Variants in MAP3K2 observed in about 807,000 individuals in gnomAD.
The protein encoded by MAP3K2 is mitogen-activated protein kinase kinase kinase 2.
In MAP3K2, 24 loss-of-function variants were observed where a neutral mutation model predicts 80.3. The observed-to-expected ratio is 0.30, with a 90% CI of 0.22 to 0.42. The LOEUF (loss-of-function observed/expected upper bound fraction) is 0.42, where lower values mean the gene tolerates loss of function less well. Among genes scored for constraint, MAP3K2 ranks in the 10% least tolerant of loss-of-function variants. The pLI, the probability that MAP3K2 is intolerant of heterozygous loss-of-function variation, is 1.00. For missense variants in MAP3K2, 608 were observed against 750.1 expected, an observed-to-expected ratio of 0.81 and a Z score of 2.21; for synonymous variants, 244 against 253.7, an observed-to-expected ratio of 0.96 and a Z score of 0.36.
Position 127,307,892 on chromosome 2 carries a change from C to T in MAP3K2, c.1635-88G>A, listed in dbSNP as rs1218163938. The T allele has an allele frequency of 3.8e-6, 3 of 784,050 alleles. No individual in the cohort carries two copies. Among genetic ancestry groups the T allele is most frequent in the Admixed American group, 3.1e-5 (1 of 32,380 alleles). 48.6% of individuals were successfully genotyped at this position (784,050 alleles called of 1,614,324 possible). On this transcript the variant is annotated intron_variant, in intron 16 of 16. Transcript: ENST00000682094. This position sits in a 1 kb window ranked among gnomAD's most constrained non-coding sequence, Gnocchi z 5.4. Reference sequence around the variant, plus strand: ...AGAAAATGAGAAACAGGCATTAAGTCCATATATATTTAAATATGACTTAAT... The same window carrying T: ...AGAAAATGAGAAACAGGCATTAAGTTCATATATATTTAAATATGACTTAAT...
chr2:127,379,899 G>C (rs564237724), intron 1 of MAP3K2, among the ~76,000 whole-genome samples: 2 of 152,286 alleles, frequency 1.3e-5, no homozygotes, highest in East Asian at 1.9e-4. Context: ...TACAGATATA[G>C]TAACAGTAAC....
chr2:127,354,737 G>C (rs1235618755), intron 1 of MAP3K2, among the ~76,000 whole-genome samples: 2 of 151,950 alleles, frequency 1.3e-5, no homozygotes, highest in Non-Finnish European at 2.9e-5. Context: ...TACCAAATAT[G>C]AAGAGAGGCA....
In MAP3K2 at chr2:127,335,816, G is replaced by T; in HGVS notation, c.264+54C>A. The T allele has an allele frequency of 7.3e-6, 7 of 952,446 alleles. No homozygotes were observed. In the South Asian group the frequency reaches 8.2e-5, roughly 11 times the overall value. The allele number at this position is 952,446 out of a possible 1,614,324, so 59.0% of individuals were successfully genotyped here. A position where few individuals can be genotyped will look rare whatever the true frequency, so the allele number is the denominator to read the frequency against. ...GAGTCTTAAAAGCAGTCTCTTAAAC[G>T]AACACATTACTTTTGAAGGTAAGAT... On this transcript the variant is annotated intron_variant, in intron 5 of 16. Coordinates refer to ENST00000682094, the MANE Select transcript of MAP3K2 (RefSeq NM_001371910.2).
At chr2:127,324,129 C>T in intron 10 of MAP3K2, 45 bp downstream of exon 10, 5 of 1,321,350 alleles carry the variant, frequency 3.8e-6, no homozygotes, top group Non-Finnish European at 5.2e-6. Flanking sequence ...AAAACATTAT[C>T]CAATGACATA....
chr2:127,324,318 A>C, intron 9 of MAP3K2, 77 bp from the exon 10 acceptor site: 1 of 823,362 alleles, frequency 1.2e-6, no homozygotes, highest in Non-Finnish European at 1.9e-6. Context: ...AGCAATATCT[A>C]TATCTATCTG....
At chr2:127,338,474 T>TC (rs1686416412) in intron 3 of MAP3K2, among the ~76,000 whole-genome samples, 1 of 152,134 alleles carries the variant, frequency 6.6e-6, no homozygotes, top group African/African-American at 2.4e-5. Flanking sequence ...CCTGATCCTC[T>TC]CCCTCCTCCT....
chr2:127,373,446 C>G (rs1030941434), intron 1 of MAP3K2, among the ~76,000 whole-genome samples: 1 of 152,166 alleles, frequency 6.6e-6, no homozygotes. Flanking sequence ...TCAGAAATTA[C>G]TAGGTGATAT....
At chr2:127,338,877 G>C (rs1016643519) in intron 3 of MAP3K2, 55 bp downstream of exon 3, 14 of 1,174,928 alleles carry the variant, frequency 1.2e-5, no homozygotes, top group Non-Finnish European at 1.6e-5. Flanking sequence ...TCCTCCATAA[G>C]ATTAGGATAT....
chr2:127,344,235 G>C (rs2104851252), intron 1 of MAP3K2, among the ~76,000 whole-genome samples: 1 of 152,254 alleles, frequency 6.6e-6, no homozygotes, highest in East Asian at 1.9e-4. Flanking sequence ...TCCCCCAGGA[G>C]AAAAGAGACC....
chr2:127,371,842 T>C (rs529767005), intron 1 of MAP3K2, among the ~76,000 whole-genome samples: 48 of 152,240 alleles, frequency 3.2e-4, no homozygotes, highest in African/African-American at 1.0e-3. Context: ...AGGGGAAACA[T>C]TGGGCAAATC....
chr2:127,385,545 ATC>A (rs1473821518), intron 1 of MAP3K2, among the ~76,000 whole-genome samples: 1 of 152,250 alleles, frequency 6.6e-6, no homozygotes, highest in Non-Finnish European at 1.5e-5. Context: ...CAAAGCCACA[ATC>A]TCTCTAAGGT....
At chr2:127,353,542 G>C (rs768631928) in intron 1 of MAP3K2, among the ~76,000 whole-genome samples, 105 of 145,392 alleles carry the variant, frequency 7.2e-4, no homozygotes, top group Middle Eastern at 3.5e-3. Flanking sequence ...TCTCCGTCCA[G>C]CAGCTGCCCC....
At chr2:127,377,795 C>A (rs1687176113) in intron 1 of MAP3K2, among the ~76,000 whole-genome samples, 1 of 152,044 alleles carries the variant, frequency 6.6e-6, no homozygotes, top group Admixed American at 6.6e-5. Flanking sequence ...GAAGAGAAAG[C>A]CAAATGGGAG....
At position 127,305,774 on chromosome 2, in the gene MAP3K2, T is replaced by C. The variant is rs765911956; in HGVS notation, c.*1805A>G. 18 of 152,114 alleles carry C rather than the reference T, an allele frequency of 1.2e-4. No homozygotes were observed. Among genetic ancestry groups the C allele is most frequent in the Non-Finnish European group, 2.4e-4 (16 of 68,006 alleles). 9.4% of individuals were successfully genotyped at this position (152,114 alleles called of 1,614,324 possible). On this transcript the variant is annotated 3_prime_UTR_variant, in exon 17 of 17. Coordinates refer to ENST00000682094, the MANE Select transcript of MAP3K2 (RefSeq NM_001371910.2). ...TGGCCAAATTGCTGATATCTTCATG[T>C]TTTATAGTAGCACAATTCTATTAGA...
chr2:127,344,800 T>C (rs1287030815), intron 1 of MAP3K2, among the ~76,000 whole-genome samples: 3 of 152,134 alleles, frequency 2.0e-5, no homozygotes, highest in Non-Finnish European at 4.4e-5. Context: ...TTACAAAACA[T>C]GAAAAAAATC....
chr2:127,336,310 A>G (rs982472999), intron 4 of MAP3K2, among the ~76,000 whole-genome samples: 9 of 152,258 alleles, frequency 5.9e-5, no homozygotes, highest in African/African-American at 1.7e-4. Context: ...TGACATCTGT[A>G]TGACAGAATG....
In MAP3K2 at chr2:127,304,333, A is replaced by G. The variant is rs999674540; in HGVS notation, c.*3246T>C. ...CAACCCATCAAAATTTCCACTAGTC[A>G]TTATGATTTTTTTAACCCTTTTATT... On this transcript the variant is annotated 3_prime_UTR_variant, in exon 17 of 17. Coordinates refer to ENST00000682094, the MANE Select transcript of MAP3K2 (RefSeq NM_001371910.2). 3 of 152,302 alleles carry G rather than the reference A, an allele frequency of 2.0e-5. No individual in the cohort carries two copies. Among genetic ancestry groups the G allele is most frequent in the East Asian group, 1.9e-4 (1 of 5,190 alleles). 9.4% of individuals were successfully genotyped at this position (152,302 alleles called of 1,614,324 possible).
In MAP3K2 at chr2:127,303,754, TTTAA is replaced by T. The variant is rs1164252390; in HGVS notation, c.*3821_*3824del. 1 of 152,168 alleles carries T rather than the reference TTTAA, an allele frequency of 6.6e-6. No individual in the cohort carries two copies. Among genetic ancestry groups the T allele is most frequent in the Non-Finnish European group, 1.5e-5 (1 of 68,020 alleles). 9.4% of individuals were successfully genotyped at this position (152,168 alleles called of 1,614,324 possible). ...CTATTAAAAAAGATAGATTTGTATA[TTTAA>T]TTGACACCAGGTGATTTTATATCAA... On this transcript the variant is annotated 3_prime_UTR_variant, in exon 17 of 17. Transcript: ENST00000682094.
At chr2:127,341,706 G>T (rs1291143800) in intron 2 of MAP3K2, among the ~76,000 whole-genome samples, 2 of 151,370 alleles carry the variant, frequency 1.3e-5, no homozygotes, top group Non-Finnish European at 2.9e-5. Flanking sequence ...CTAATTTTTT[G>T]TATTTTTAGT....
Sources: allele counts gnomAD v4.1 joint callset (sites outside exome capture counted in the v4.1 genomes callset), GRCh38; gene constraint gnomAD v4.1.1; non-coding constraint Gnocchi (gnomAD v3.1); transcripts MANE v1.5; gene names NCBI Gene and HGNC (gene_info 2026-07-23, HGNC 2026-07-21).